Variants in EFNA5 observed in about 807,000 individuals in gnomAD.
EFNA5 encodes the protein ephrin-A5.
In EFNA5, 5 loss-of-function variants were observed where a neutral mutation model predicts 22.9. The observed-to-expected ratio is 0.22, with a 90% CI of 0.11 to 0.46. The LOEUF (loss-of-function observed/expected upper bound fraction) is 0.46. Among genes scored for constraint, EFNA5 ranks in the 20% least tolerant of loss-of-function variants. The pLI is 0.99. For missense variants in EFNA5, 237 were observed against 293.3 expected (o/e 0.81, Z 1.40); for synonymous variants, 113 against 112.2 (o/e 1.01, Z -0.04).
At chr5:107,474,192 C>A (rs1172318360) in intron 1 of EFNA5, among the ~76,000 whole-genome samples, 4 of 152,176 alleles carry the variant, frequency 2.6e-5, no homozygotes, top group Non-Finnish European at 5.9e-5. Context: ...TCAGATGCCA[C>A]TGGCTCCACA....
chr5:107,489,000 CCT>C (rs1561409187), intron 1 of EFNA5, among the ~76,000 whole-genome samples: 1 of 151,904 alleles, frequency 6.6e-6, no homozygotes, highest in Non-Finnish European at 1.5e-5. Context: ...CACAAAAAAA[CCT>C]CTTTTAAGAT....
chr5:107,419,400 C>T (rs1196841703), intron 2 of EFNA5, among the ~76,000 whole-genome samples: 12 of 152,048 alleles, frequency 7.9e-5, no homozygotes, highest in Admixed American at 6.6e-4. Flanking sequence ...GTATACAAAG[C>T]GAATAGAAGG....
At chr5:107,432,482 C>T (rs1010820920) in intron 1 of EFNA5, among the ~76,000 whole-genome samples, 1 of 152,122 alleles carries the variant, frequency 6.6e-6, no homozygotes, top group Non-Finnish European at 1.5e-5. Flanking sequence ...CAGTTCTATA[C>T]CTCTATCTGA....
At chr5:107,476,772 C>G (rs575011125) in intron 1 of EFNA5, among the ~76,000 whole-genome samples, 115 of 142,108 alleles carry the variant, frequency 8.1e-4, no homozygotes, top group Non-Finnish European at 1.4e-3. Flanking sequence ...ACAGGAACAT[C>G]CAAACTGTGT....
chr5:107,427,191 A>C, intron 2 of EFNA5, 26 bp downstream of exon 2: 3 of 1,613,728 alleles, frequency 1.9e-6, no homozygotes, highest in Non-Finnish European at 2.5e-6. Context: ...GCTGCCCTAC[A>C]ACACGATAAA....
intron 1 of EFNA5, among the ~76,000 whole-genome samples, chr5:107,516,115 C>T (rs1467505947): frequency 6.6e-6 from 1 of 151,964 alleles, no homozygotes; most frequent in African/African-American, 2.4e-5. Context: ...AGTGATCCTC[C>T]TGCCTCAGCC....
intron 2 of EFNA5, among the ~76,000 whole-genome samples, chr5:107,414,722 AAACT>A (rs1272529052): frequency 1.3e-5 from 2 of 152,202 alleles, no homozygotes; most frequent in Non-Finnish European, 2.9e-5. Flanking sequence ...CTTTAATAAT[AAACT>A]AACACATTGT....
At chr5:107,450,288 T>C (rs1749525406) in intron 1 of EFNA5, among the ~76,000 whole-genome samples, 1 of 152,126 alleles carries the variant, frequency 6.6e-6, no homozygotes, top group South Asian at 2.1e-4. Context: ...GCAAAGTTTT[T>C]TTGCTCCTCT....
chr5:107,421,176 C>T (rs1748655840), intron 2 of EFNA5, among the ~76,000 whole-genome samples: 1 of 152,282 alleles, frequency 6.6e-6, no homozygotes, highest in African/African-American at 2.4e-5. Context: ...TGCCTCATGG[C>T]TTAAGATAAA....
chr5:107,654,682 CT>C (rs1305676308), intron 1 of EFNA5, among the ~76,000 whole-genome samples: 1 of 152,002 alleles, frequency 6.6e-6, no homozygotes, highest in Non-Finnish European at 1.5e-5. Flanking sequence ...TTATGACAAC[CT>C]TAGTACTAAA....
At chr5:107,501,319 A>C (rs543403340) in intron 1 of EFNA5, among the ~76,000 whole-genome samples, 86 of 152,326 alleles carry the variant, frequency 5.6e-4, no homozygotes, top group African/African-American at 1.9e-3. Flanking sequence ...CAACTATACA[A>C]TCAATAAGAT....
At chr5:107,464,503 G>A (rs538699843) in intron 1 of EFNA5, among the ~76,000 whole-genome samples, 83 of 152,078 alleles carry the variant, frequency 5.5e-4, no homozygotes, top group Non-Finnish European at 4.6e-4. Context: ...TTAATTTTCC[G>A]GAGAAACAAA....
At chr5:107,598,736 T>A (rs916252972) in intron 1 of EFNA5, among the ~76,000 whole-genome samples, 1 of 152,186 alleles carries the variant, frequency 6.6e-6, no homozygotes, top group African/African-American at 2.4e-5. Context: ...GCCAGTTATA[T>A]TTAAATTCTC....
At chr5:107,439,965 G>C (rs1299876387) in intron 1 of EFNA5, among the ~76,000 whole-genome samples, 3 of 152,180 alleles carry the variant, frequency 2.0e-5, no homozygotes, top group African/African-American at 7.2e-5. Flanking sequence ...GTCATTTCAT[G>C]CACACATTTA....
At position 107,572,144 on chromosome 5, in the gene EFNA5, G is replaced by C. The variant is rs576329929; in HGVS notation, c.125+98345C>G. 1.2e-4 allele frequency among the ~76,000 whole-genome samples: 19 copies of C among 152,198 alleles called. No homozygotes were observed. In the South Asian group the frequency reaches 2.5e-3, roughly 20 times the overall value. On this transcript the variant is annotated intron_variant, in intron 1 of 4. Transcript: ENST00000333274. ...CAGCCCGGCAGAGAACGTGCGTGAT[G>C]TGAGTTACTCTGGCACCGAGAAACC...
At chr5:107,646,226 G>C (rs922855422) in intron 1 of EFNA5, among the ~76,000 whole-genome samples, 1 of 152,122 alleles carries the variant, frequency 6.6e-6, no homozygotes, top group African/African-American at 2.4e-5. Flanking sequence ...GTTGTATACT[G>C]AAAGTATGCT....
intron 1 of EFNA5, among the ~76,000 whole-genome samples, chr5:107,505,941 G>A (rs1747242082): frequency 6.6e-6 from 1 of 152,178 alleles, no homozygotes; most frequent in Non-Finnish European, 1.5e-5. Flanking sequence ...CTTGCCCAAG[G>A]TGATAGAGCT....
intron 1 of EFNA5, among the ~76,000 whole-genome samples, chr5:107,653,670 T>G (rs1375552377): frequency 6.6e-6 from 1 of 152,202 alleles, no homozygotes; most frequent in Non-Finnish European, 1.5e-5. Context: ...CCAAACCACT[T>G]TCTCAGAGAA....
At chr5:107,405,339 T>C (rs1355197202) in intron 2 of EFNA5, among the ~76,000 whole-genome samples, 2 of 152,186 alleles carry the variant, frequency 1.3e-5, no homozygotes, top group African/African-American at 4.8e-5. Context: ...CAAACCCAAC[T>C]GAGAAGGCTC....
Sources: allele counts gnomAD v4.1 joint callset (sites outside exome capture counted in the v4.1 genomes callset), GRCh38; gene constraint gnomAD v4.1.1; transcripts MANE v1.5; gene names NCBI Gene and HGNC (gene_info 2026-07-23, HGNC 2026-07-21).